RAD9A: variants seen among roughly 807,000 people sequenced by gnomAD.
The protein encoded by RAD9A is cell cycle checkpoint control protein RAD9A.
A neutral mutation model predicts 41.2 loss-of-function variants in RAD9A; 25 were observed. The ratio of observed to expected loss-of-function variants is 0.61; its 90% CI spans 0.44 to 0.85. The LOEUF (loss-of-function observed/expected upper bound fraction) is 0.85. Among genes scored for constraint, RAD9A ranks in the 40% least tolerant of loss-of-function variants. The pLI is 0.00. For synonymous variants in RAD9A, 252 were observed against 210.6 expected (o/e 1.20, Z -1.70); for missense variants, 514 against 518.3 (o/e 0.99, Z 0.08).
In RAD9A at chr11:67,397,599, G is replaced by C. The variant is rs374480480; in HGVS notation, c.*40G>C. On this transcript the variant is annotated 3_prime_UTR_variant, in exon 11 of 11. Transcript: ENST00000307980. The stretch of plus-strand genomic sequence containing the variant: ...GCCTGTACCCAGAGGCCTTGGACTA[G>C]ACGAAGCCCCAGCCAGTGGCAGAAC... 225 of 1,515,992 alleles carry C rather than the reference G, an allele frequency of 1.5e-4. No individual in the cohort carries two copies. The highest frequency in any genetic ancestry group is 1.8e-4 in the Non-Finnish European group (197 of 1,103,738). The allele number at this position is 1,515,992 out of a possible 1,614,324, so 93.9% of individuals were successfully genotyped here. A position where few individuals can be genotyped will look rare whatever the true frequency, so the allele number is the denominator to read the frequency against.
chr11:67,396,565 T>G (rs1862705501), intron 9 of RAD9A, among the ~76,000 whole-genome samples, 165 bp downstream of exon 9: 1 of 152,168 alleles, frequency 6.6e-6, no homozygotes, highest in Non-Finnish European at 1.5e-5. Flanking sequence ...CTGCCAGCCC[T>G]GCAGACTCAG....
At chr11:67,392,847 C>T (rs759026282) in intron 3 of RAD9A, 65 bp downstream of exon 3, 499 of 1,574,112 alleles carry the variant, frequency 3.2e-4, no homozygotes, top group Non-Finnish European at 4.3e-4. Context: ...TGTGCCTCTG[C>T]CCTGGGGTAC....
chr11:67,392,984 G>T (rs1488047739), intron 3 of RAD9A: 4 of 808,626 alleles, frequency 4.9e-6, no homozygotes, highest in Non-Finnish European at 5.5e-6. Context: ...CGTCAAGAAA[G>T]GTAAGCACGT....
rs1215765790 is a variant in RAD9A, at chr11:67,395,745, C to G, written c.479C>G (p.Ser160Cys). ...RVLGEAVLPFSPALAEVTLGI... is the reference protein window; with the variant it reads ...RVLGEAVLPFCPALAEVTLGI... ...CTGGGGGAGGCTGTTCTGCCCTTCT[C>G]TCCTGCACTGGCTGAAGTGACGCTG... Residue 160 changes from serine (S) to cysteine (C), a missense_variant, in exon 6 of 11, where the codon TCT becomes TGT. Ser to Cys is a moderately radical substitution (Grantham distance 112). This residue lies in a region of RAD9A where 268 missense variants were observed against 279.3 expected (regional missense o/e 0.96). Transcript: ENST00000307980. 6.2e-7 allele frequency: 1 copy of G among 1,612,204 alleles called. No individual in the cohort carries two copies. The highest frequency in any genetic ancestry group is 1.7e-5 in the Admixed American group (1 of 59,586).
At position 67,396,061 on chromosome 11, in the gene RAD9A, GC is replaced by G; in HGVS notation, c.669+43del. On this transcript the variant is annotated intron_variant, in intron 7 of 10. Transcript: ENST00000307980. ...AGGCGCTCGCCGTCCTGTCCTCCCT[GC>G]CCAGCTCAGCCCAGCCCGGGGCCTC... is the stretch of plus-strand genomic sequence containing the variant. The G allele has an allele frequency of 1.2e-5, 20 of 1,613,112 alleles. 1 individual carries two copies. In the Middle Eastern group the frequency reaches 3.3e-3, roughly 266 times the overall value.
chr11:67,397,599 G>A lies in RAD9A; in HGVS notation c.*40G>A, dbSNP rs374480480. 6.6e-7 allele frequency: 1 copy of A among 1,516,110 alleles called. No homozygotes were observed. The highest frequency in any genetic ancestry group is 2.3e-5 in the East Asian group (1 of 44,226). 93.9% of individuals were successfully genotyped at this position (1,516,110 alleles called of 1,614,324 possible). A position where few individuals can be genotyped will look rare whatever the true frequency, so the allele number is the denominator to read the frequency against. On this transcript the variant is annotated 3_prime_UTR_variant, in exon 11 of 11. Transcript: ENST00000307980. Reference sequence around the variant, plus strand: ...GCCTGTACCCAGAGGCCTTGGACTAGACGAAGCCCCAGCCAGTGGCAGAAC... The same window carrying A: ...GCCTGTACCCAGAGGCCTTGGACTAAACGAAGCCCCAGCCAGTGGCAGAAC...
intron 9 of RAD9A, among the ~76,000 whole-genome samples, chr11:67,396,943 CG>C (rs1174149318): frequency 1.3e-5 from 2 of 152,188 alleles, no homozygotes; most frequent in African/African-American, 2.4e-5. Flanking sequence ...AGGTAGCCCC[CG>C]GGATGCCTCC....
At position 67,395,737 on chromosome 11, in the gene RAD9A, G is replaced by T; in HGVS notation, c.471G>T (p.Leu157=). The change falls in exon 6 of 11, where the codon CTG becomes CTT. Residue 157 remains leucine (L), a synonymous_variant. Coordinates refer to ENST00000307980, the MANE Select transcript of RAD9A (RefSeq NM_004584.3). The part of the protein sequence containing the change: ...APARVLGEAV[L]PFSPALAEVT... ...ACAGGGTTCTGGGGGAGGCTGTTCT[G>T]CCCTTCTCTCCTGCACTGGCTGAAG... is the stretch of plus-strand genomic sequence containing the variant. 1.2e-6 allele frequency: 2 copies of T among 1,610,258 alleles called. No individual in the cohort carries two copies. The highest frequency in any genetic ancestry group is 1.7e-5 in the Admixed American group (1 of 59,154).
At chr11:67,392,560 G>A (rs1862557325) in intron 2 of RAD9A, 94 bp from the exon 3 acceptor site, 2 of 1,506,670 alleles carry the variant, frequency 1.3e-6, no homozygotes, top group East Asian at 4.5e-5. Flanking sequence ...GGAGCGGGAG[G>A]ACGATAGGGC....
At chr11:67,393,276 T>C in intron 3 of RAD9A, 2 of 1,136,450 alleles carry the variant, frequency 1.8e-6, no homozygotes, top group Non-Finnish European at 2.2e-6. Context: ...CGAGACTCCA[T>C]CTCAAAAAAA....
chr11:67,394,854 G>C (rs540711400), intron 5 of RAD9A, among the ~76,000 whole-genome samples: 15 of 152,088 alleles, frequency 9.9e-5, no homozygotes, highest in Admixed American at 9.2e-4. Context: ...GACCTCAGGT[G>C]ATCTGCCCGT....
chr11:67,392,259 TGGG>T, intron 2 of RAD9A, 28 bp downstream of exon 2: 4 of 484,282 alleles, frequency 8.3e-6, no homozygotes, highest in East Asian at 1.0e-4. Flanking sequence ...GGGGGGCGGG[TGGG>T]ACTCCAGCCG....
rs754819875 is a variant in RAD9A, at chr11:67,397,303, C to T, written c.997C>T (p.Pro333Ser). The T allele has an allele frequency of 2.0e-5, 32 of 1,595,362 alleles. 1 individual carries two copies. In the South Asian group the frequency reaches 3.1e-4, roughly 16 times the overall value. Residue 333 changes from proline to serine, a missense_variant, in exon 10 of 11, where the codon CCC becomes TCC. Physicochemically the swap from Pro to Ser is moderately conservative, Grantham distance 74. This residue lies in a region of RAD9A where 216 missense variants were observed against 184.2 expected (regional missense o/e 1.17). Transcript: ENST00000307980. Reference sequence around the variant, plus strand: ...CATTTCCCTTTCACCTGGCCCCCAGCCCCCCAAGAGCCCCGGTCCCCACTC... The same window carrying T: ...CATTTCCCTTTCACCTGGCCCCCAGTCCCCCAAGAGCCCCGGTCCCCACTC... ...PSISLSPGPQ[P>S]PKSPGPHSEE...
chr11:67,395,520 G>T (rs910174531), intron 5 of RAD9A, 196 bp from the exon 6 acceptor site: 6 of 585,846 alleles, frequency 1.0e-5, no homozygotes, highest in South Asian at 6.3e-5. Flanking sequence ...GGTCTGCATG[G>T]TCAGGTGCCG....
At position 67,396,280 on chromosome 11, in the gene RAD9A, T is replaced by C. The variant is rs1207443541; in HGVS notation, c.752T>C (p.Ile251Thr). The C allele has an allele frequency of 4.3e-6, 7 of 1,613,910 alleles. No homozygotes were observed. Among genetic ancestry groups the C allele is most frequent in the Non-Finnish European group, 5.9e-6 (7 of 1,180,022 alleles). ...DAPGRPAIFT[I>T]KDSLLDGHFV... ...CTGCCCAGGCCCGCCATCTTCACCA[T>C]CAAGGACTCTTTGCTGGACGGCCAC... The change falls in exon 9 of 11, where the codon ATC (isoleucine) becomes ACC (threonine). Residue 251 changes from isoleucine (I) to threonine (T), a missense_variant. This residue lies in a region of RAD9A where 30 missense variants were observed against 54.8 expected (regional missense o/e 0.55). Transcript: ENST00000307980.
intron 9 of RAD9A, among the ~76,000 whole-genome samples, 164 bp downstream of exon 9, chr11:67,396,564 C>G (rs1328604691): frequency 1.3e-5 from 2 of 152,244 alleles, no homozygotes; most frequent in Non-Finnish European, 2.9e-5. Flanking sequence ...GCTGCCAGCC[C>G]TGCAGACTCA....
chr11:67,396,529 AGCC>A, intron 9 of RAD9A, 129 bp downstream of exon 9: 1 of 1,227,990 alleles, frequency 8.1e-7, no homozygotes, highest in Middle Eastern at 2.6e-4. Context: ...ATCAGGCCCC[AGCC>A]CCTAACCCTA....
chr11:67,397,044 C>T lies in RAD9A; in HGVS notation c.873-135C>T, dbSNP rs78879062. ...CTTAACCCCTGCATCCTCTCCTCTC[C>T]AGCCAAATCAGGAAGTCATAAAACC... On this transcript the variant is annotated intron_variant, in intron 9 of 10. Transcript: ENST00000307980. 1.5e-3 allele frequency: 935 copies of T among 642,506 alleles called. 4 individuals are homozygous for T. The African/African-American group carries it at 0.016, about 11-fold the overall frequency. 39.8% of individuals were successfully genotyped at this position (642,506 alleles called of 1,614,324 possible).
chr11:67,396,127 CAG>C lies in RAD9A; in HGVS notation c.689_690del (p.Glu230ValfsTer7). Reference sequence around the variant, plus strand: ...TCCTCCCAGGGGCTCCTGAGCTTTGCAGAGTCAGCAAACTTGAATCTTAGCAT... The same window carrying C: ...TCCTCCCAGGGGCTCCTGAGCTTTGCAGTCAGCAAACTTGAATCTTAGCAT... On this transcript the variant is annotated frameshift_variant, in exon 8 of 11. Transcript: ENST00000307980. LOFTEE classifies it high-confidence loss of function. The C allele has an allele frequency of 6.2e-7, 1 of 1,614,020 alleles. No individual in the cohort carries two copies. Among genetic ancestry groups the C allele is most frequent in the South Asian group, 1.1e-5 (1 of 91,082 alleles).
Sources: allele counts gnomAD v4.1 joint callset (sites outside exome capture counted in the v4.1 genomes callset), GRCh38; gene constraint gnomAD v4.1.1; regional missense constraint gnomAD v4.1.1; transcripts MANE v1.5; gene names NCBI Gene and HGNC (gene_info 2026-07-23, HGNC 2026-07-21).